Variants in PGLYRP4 observed in about 807,000 individuals in gnomAD.
PGLYRP4 encodes the protein peptidoglycan recognition protein 4.
A neutral mutation model predicts 41.2 loss-of-function variants in PGLYRP4; 39 were observed. That is an observed-to-expected ratio of 0.95 (90% confidence interval 0.73 to 1.24). PGLYRP4 has a LOEUF of 1.24. Among genes scored for constraint, PGLYRP4 ranks in the 50% most tolerant of loss-of-function variants. The pLI is 0.00. For missense variants in PGLYRP4, 467 were observed against 460.7 expected (o/e 1.01, Z -0.13); for synonymous variants, 202 against 186.8 (o/e 1.08, Z -0.66).
Position 153,345,224 on chromosome 1 carries a change from G to T in PGLYRP4, c.298C>A (p.Arg100=), listed in dbSNP as rs554667521. The stretch of plus-strand genomic sequence containing the variant: ...TGGACATGATGGGCCTGCAGTTCCC[G>T]CAGTCTCTGGCTGCAGACTGTCTGG... ...HDQTVCSQRL[R]ELQAHHVHNN... Residue 100 remains arginine (R), a synonymous_variant, in exon 4 of 9, where the codon CGG becomes AGG. Transcript: ENST00000359650. 1 of 1,613,814 alleles carries T rather than the reference G, an allele frequency of 6.2e-7. No homozygotes were observed. Among genetic ancestry groups the T allele is most frequent in the South Asian group, 1.1e-5 (1 of 91,082 alleles).
intron 6 of PGLYRP4, among the ~76,000 whole-genome samples, chr1:153,341,133 G>A (rs774625260): frequency 2.0e-5 from 3 of 152,140 alleles, no homozygotes; most frequent in Non-Finnish European, 2.9e-5. Flanking sequence ...GTTTGTGTGT[G>A]TTCATGTGTA....
chr1:153,341,752 G>T lies in PGLYRP4; in HGVS notation c.500C>A (p.Ser167Ter), dbSNP rs148899281. Residue 167 changes from serine to a stop codon, truncating the protein, a stop_gained, in exon 6 of 9, where the codon TCG becomes TAG. Transcript: ENST00000359650. LOFTEE classifies it high-confidence loss of function. ...KGHSPSPAAL[S>*]AMENLITYAV... ...ATAGGTGATTAGGTTTTCCATGGCC[G>T]ACAGGGCAGCAGGGCTGGGACTGTG... 1.9e-6 allele frequency: 3 copies of T among 1,613,924 alleles called. No individual in the cohort carries two copies. The highest frequency in any genetic ancestry group is 2.7e-5 in the African/African-American group (2 of 75,052).
intron 5 of PGLYRP4, 48 bp from the exon 6 acceptor site, chr1:153,341,827 G>A (rs1660816704): frequency 1.3e-6 from 2 of 1,575,906 alleles, no homozygotes; most frequent in South Asian, 1.2e-5. Context: ...CTGAGTTTCA[G>A]GGGATCTTTT....
chr1:153,345,091 G>A (rs944810905), intron 4 of PGLYRP4, 78 bp downstream of exon 4: 1 of 1,069,138 alleles, frequency 9.4e-7, no homozygotes, highest in Non-Finnish European at 1.4e-6. Context: ...ATGAGGAAAA[G>A]GGATGAGAAG....
chr1:153,345,274 T>C lies in PGLYRP4; in HGVS notation c.248A>G (p.His83Arg), dbSNP rs777816079. 1.9e-6 allele frequency: 3 copies of C among 1,614,132 alleles called. No homozygotes were observed. The highest frequency in any genetic ancestry group is 2.2e-5 in the East Asian group (1 of 44,884). ...GTCGTGACACTCCAGTCCAGGGACA[T>C]GGTGTATAACAAGGACATTCACTGG... ...TTPVNVLVIH[H>R]VPGLECHDQT... Residue 83 changes from histidine to arginine, a missense_variant, in exon 4 of 9, where the codon CAT (histidine) becomes CGT (arginine). Transcript: ENST00000359650.
At chr1:153,334,468 T>TATATATATATATTTTTATATA (rs1275488427) in intron 8 of PGLYRP4, among the ~76,000 whole-genome samples, 9 of 142,530 alleles carry the variant, frequency 6.3e-5, no homozygotes, top group African/African-American at 2.3e-4. Context: ...ATATATTTAT[T>TATATATATATATTTTTATATA]TATATATATT....
In PGLYRP4 at chr1:153,346,122, A is replaced by T. The variant is rs1172789318; in HGVS notation, c.119T>A (p.Ile40Asn). ...TTTACCTTTTTCAGTGAGCTGGGAG[A>T]TGTTCTCAAATAGGTACTGGAGCCC... Reference protein sequence around the residue: ...SEGLQYLFENISQLTEKGLPT... With the variant: ...SEGLQYLFENNSQLTEKGLPT... The change falls in exon 3 of 9, where the codon ATC becomes AAC. Residue 40 changes from isoleucine to asparagine, a missense_variant. Physicochemically the swap from Ile to Asn is moderately radical, Grantham distance 149. Transcript: ENST00000359650. The T allele has an allele frequency of 6.2e-7, 1 of 1,613,236 alleles. No homozygotes were observed. Among genetic ancestry groups the T allele is most frequent in the Non-Finnish European group, 8.5e-7 (1 of 1,179,290 alleles).
Position 153,346,285 on chromosome 1 carries a change from C to A in PGLYRP4, c.50-94G>T. 2.4e-5 allele frequency: 21 copies of A among 880,208 alleles called. No homozygotes were observed. In the South Asian group the frequency reaches 2.5e-4, roughly 10 times the overall value. 54.5% of individuals were successfully genotyped at this position (880,208 alleles called of 1,614,324 possible). ...AACAGAAACAGCCATCCCCTCTCCACTGCCCCTCTGCCTCCTCAAATCCCA... is the reference window on the plus strand; with the variant it reads ...AACAGAAACAGCCATCCCCTCTCCAATGCCCCTCTGCCTCCTCAAATCCCA... On this transcript the variant is annotated intron_variant, in intron 2 of 8. Transcript: ENST00000359650.
intron 8 of PGLYRP4, among the ~76,000 whole-genome samples, chr1:153,335,071 A>C (rs1221376230): frequency 6.6e-6 from 1 of 152,214 alleles, no homozygotes; most frequent in Non-Finnish European, 1.5e-5. Context: ...CTTAAATTTA[A>C]GATCTCAAAC....
rs934555939 is a variant in PGLYRP4 at position 153,330,281 on chromosome 1, A to G, written c.*486T>C. On this transcript the variant is annotated 3_prime_UTR_variant, in exon 9 of 9. Transcript: ENST00000359650. ...CCAAGTAGCAAGGATAGACATATCTATAAATAATGACAGCCATTAAATAAG... is the reference window on the plus strand; with the variant it reads ...CCAAGTAGCAAGGATAGACATATCTGTAAATAATGACAGCCATTAAATAAG... The G allele has an allele frequency of 6.5e-6, 1 of 153,740 alleles. No homozygotes were observed. Among genetic ancestry groups the G allele is most frequent in the Non-Finnish European group, 1.5e-5 (1 of 68,950 alleles). The allele number at this position is 153,740 out of a possible 1,614,324, so 9.5% of individuals were successfully genotyped here. A position where few individuals can be genotyped will look rare whatever the true frequency, so the allele number is the denominator to read the frequency against.
At chr1:153,347,732 C>A in intron 2 of PGLYRP4, 152 bp downstream of exon 2, 2 of 655,516 alleles carry the variant, frequency 3.1e-6, no homozygotes, top group South Asian at 3.4e-5. Context: ...CTTCCTCTGT[C>A]ACTCAGGCTG....
At chr1:153,341,847 G>A (rs1172188548) in intron 5 of PGLYRP4, 68 bp from the exon 6 acceptor site, 1 of 1,504,006 alleles carries the variant, frequency 6.6e-7, no homozygotes, top group Non-Finnish European at 9.1e-7. Flanking sequence ...TGGGGAAGGA[G>A]AAGATGCTCT....
At chr1:153,340,267 G>C (rs367930803) in intron 7 of PGLYRP4, 114 bp downstream of exon 7, 1 of 902,418 alleles carries the variant, frequency 1.1e-6, no homozygotes, top group African/African-American at 1.6e-5. Flanking sequence ...TATCCATACA[G>C]TGCCTCTCCT....
intron 4 of PGLYRP4, among the ~76,000 whole-genome samples, chr1:153,344,354 G>A (rs1660915044): frequency 6.6e-6 from 1 of 152,168 alleles, no homozygotes; most frequent in South Asian, 2.1e-4. Context: ...GGCTCACAGT[G>A]GCTACCTGTG....
chr1:153,347,401 G>T (rs150795352), intron 2 of PGLYRP4, among the ~76,000 whole-genome samples: 1 of 150,892 alleles, frequency 6.6e-6, no homozygotes, highest in African/African-American at 2.4e-5. Context: ...ACAAGTTCTC[G>T]CTCTGTCACC....
At chr1:153,345,443 C>T in intron 3 of PGLYRP4, 61 bp from the exon 4 acceptor site, 1 of 1,462,966 alleles carries the variant, frequency 6.8e-7, no homozygotes, top group South Asian at 1.2e-5. Context: ...CCAAGCTGAA[C>T]ATGCAGGCAT....
At chr1:153,338,025 C>A (rs1043008344) in intron 7 of PGLYRP4, among the ~76,000 whole-genome samples, 1 of 152,192 alleles carries the variant, frequency 6.6e-6, no homozygotes, top group Non-Finnish European at 1.5e-5. Context: ...TCTCCCCATA[C>A]TCCACACAGG....
chr1:153,336,980 G>T (rs1474885619), intron 8 of PGLYRP4, among the ~76,000 whole-genome samples: 1 of 152,202 alleles, frequency 6.6e-6, no homozygotes, highest in Non-Finnish European at 1.5e-5. Context: ...GGGTGTAAAG[G>T]AGGGTAGATA....
chr1:153,332,165 C>T (rs1394752521), intron 8 of PGLYRP4, among the ~76,000 whole-genome samples: 1 of 151,798 alleles, frequency 6.6e-6, no homozygotes, highest in Non-Finnish European at 1.5e-5. Flanking sequence ...GGAGTTGCTA[C>T]ACTATATCAA....
Sources: gnomAD v4.1 joint callset for allele counts (sites outside exome capture counted in the v4.1 genomes callset) on GRCh38, gnomAD v4.1.1 for gene constraint, MANE v1.5 for transcripts, NCBI Gene and HGNC (gene_info 2026-07-23, HGNC 2026-07-21) for gene names.